The following FAM20B variants were observed in gnomAD, a reference collection of about 807,000 sequenced individuals.
FAM20B encodes the protein glycosaminoglycan xylosylkinase.
Under a neutral mutation model 43.8 loss-of-function variants are expected in FAM20B, and 23 were observed. The observed-to-expected ratio is 0.53, with a 90% CI of 0.38 to 0.74. The LOEUF is 0.74. Ranked by LOEUF, FAM20B falls within the 30% of genes least tolerant of loss-of-function variation. The probability of loss-of-function intolerance (pLI) is 0.00; values close to 1 mark genes in which losing one functional copy is unlikely to be tolerated. For synonymous variants in FAM20B, 178 were observed against 192.4 expected (o/e 0.93, Z 0.62); for missense variants, 440 against 510.5 (o/e 0.86, Z 1.33).
intron 2 of FAM20B, among the ~76,000 whole-genome samples, chr1:179,048,839 T>C (rs1650884194): frequency 6.6e-6 from 1 of 152,208 alleles, no homozygotes. Flanking sequence ...CTTGAAGATA[T>C]ATTTTGTGGA....
rs547439601 is a variant in FAM20B, at chr1:179,032,313, CTTTTTTTTT to C, written c.-134+6233_-134+6241del. Among the ~76,000 whole-genome samples the C allele has an allele frequency of 3.6e-4, 40 of 111,948 alleles. 1 individual carries two copies. Among genetic ancestry groups the C allele is most frequent in the African/African-American group, 3.4e-4 (11 of 32,070 alleles). 73.4% of individuals were successfully genotyped at this position (111,948 alleles called of 152,430 possible). A position where few individuals can be genotyped will look rare whatever the true frequency, so the allele number is the denominator to read the frequency against. On this transcript the variant is annotated intron_variant, in intron 1 of 7. Coordinates refer to ENST00000263733, the MANE Select transcript of FAM20B (RefSeq NM_014864.4). ...GCACAACACATGTAGAGGTCTCATT[CTTTTTTTTT>C]TTTTTTTTTTTTTTTTTGAGACAGG... is the stretch of plus-strand genomic sequence containing the variant.
intron 3 of FAM20B, among the ~76,000 whole-genome samples, chr1:179,051,488 G>T (rs1459313844): frequency 6.6e-6 from 1 of 152,032 alleles, no homozygotes; most frequent in Non-Finnish European, 1.5e-5. Flanking sequence ...TTAGCTGAGT[G>T]TGGTGGCGTG....
intron 3 of FAM20B, 66 bp downstream of exon 3, chr1:179,050,431 T>C: frequency 8.8e-7 from 1 of 1,134,218 alleles, no homozygotes. Flanking sequence ...TGGAGAGGAC[T>C]CGTGGACTCC....
chr1:179,067,037 G>C (rs1051869213), intron 7 of FAM20B, among the ~76,000 whole-genome samples, 178 bp downstream of exon 7: 1 of 151,966 alleles, frequency 6.6e-6, no homozygotes, highest in Admixed American at 6.6e-5. Flanking sequence ...GGTGAAGGCA[G>C]ATAACCCAAA....
intron 1 of FAM20B, chr1:179,035,620 G>C: frequency 2.1e-6 from 1 of 475,046 alleles, no homozygotes; most frequent in South Asian, 2.3e-5. Context: ...GGCCCTTTTT[G>C]ACATGACTTT....
intron 1 of FAM20B, among the ~76,000 whole-genome samples, chr1:179,026,411 C>T (rs1649779112): frequency 6.6e-6 from 1 of 152,064 alleles, no homozygotes; most frequent in Non-Finnish European, 1.5e-5. Context: ...GAGGCGCGGG[C>T]CCACCTGGGG....
the FAM20B span, among the ~76,000 whole-genome samples, chr1:179,020,546 T>A: frequency 1.3e-5 from 2 of 152,222 alleles, no homozygotes; most frequent in African/African-American, 4.8e-5. Flanking sequence ...GTATATTAGA[T>A]TGAACTATAT....
At chr1:179,046,675 A>G (rs1273109519) in intron 2 of FAM20B, among the ~76,000 whole-genome samples, 2 of 150,690 alleles carry the variant, frequency 1.3e-5, no homozygotes, top group Non-Finnish European at 3.0e-5. Flanking sequence ...TAAAATAAAT[A>G]AAGAGATGAG....
At chr1:179,040,880 C>G (rs1017948490) in intron 1 of FAM20B, among the ~76,000 whole-genome samples, 8 of 150,530 alleles carry the variant, frequency 5.3e-5, no homozygotes, top group African/African-American at 2.0e-4. Context: ...CAGGCAGAGG[C>G]TCTCCTCACT....
chr1:179,043,051 G>A (rs528013825), intron 1 of FAM20B, among the ~76,000 whole-genome samples: 41 of 152,214 alleles, frequency 2.7e-4, no homozygotes, highest in African/African-American at 3.6e-4. Context: ...ATCCCTTTCC[G>A]CCCAGGAGCC....
chr1:179,023,651 C>T (rs929071081), upstream of FAM20B, among the ~76,000 whole-genome samples: 2 of 152,228 alleles, frequency 1.3e-5, no homozygotes, highest in Non-Finnish European at 2.9e-5. Flanking sequence ...ATTCTCCTGT[C>T]ACGCAGGATC....
intron 7 of FAM20B, among the ~76,000 whole-genome samples, 199 bp downstream of exon 7, chr1:179,067,058 C>T (rs1250457066): frequency 1.3e-5 from 2 of 151,830 alleles, no homozygotes; most frequent in Non-Finnish European, 2.9e-5. Context: ...GCTCAGAATT[C>T]ATCTCAAATT....
the FAM20B span, among the ~76,000 whole-genome samples, chr1:179,018,305 T>G: frequency 4.6e-5 from 7 of 152,296 alleles, no homozygotes; most frequent in South Asian, 2.1e-4. Context: ...CAGCATGGAA[T>G]ACCAAAGATC....
At chr1:179,065,757 G>C (rs1289703482) in intron 6 of FAM20B, among the ~76,000 whole-genome samples, 2 of 152,166 alleles carry the variant, frequency 1.3e-5, no homozygotes, top group Non-Finnish European at 2.9e-5. Flanking sequence ...TATCAAAATA[G>C]TTGCTTTGTC....
chr1:179,047,839 G>A (rs982015633), intron 2 of FAM20B, among the ~76,000 whole-genome samples: 6 of 152,208 alleles, frequency 3.9e-5, no homozygotes, highest in African/African-American at 1.4e-4. Flanking sequence ...AGAAGGATAG[G>A]AATGATTTAT....
chr1:179,037,786 C>T (rs1650311679), intron 1 of FAM20B, among the ~76,000 whole-genome samples: 3 of 152,236 alleles, frequency 2.0e-5, no homozygotes, highest in South Asian at 2.1e-4. Context: ...TGTCCCCAGC[C>T]AGTTCCCTTA....
intron 7 of FAM20B, among the ~76,000 whole-genome samples, chr1:179,070,929 A>C (rs1255229011): frequency 6.6e-6 from 1 of 152,144 alleles, no homozygotes; most frequent in Non-Finnish European, 1.5e-5. Flanking sequence ...TGGCAATTTC[A>C]ACATGTATTT....
upstream of FAM20B, among the ~76,000 whole-genome samples, chr1:179,022,367 G>A (rs1572520153): frequency 2.6e-5 from 4 of 152,238 alleles, no homozygotes; most frequent in Middle Eastern, 6.8e-3. Context: ...GGCTCCTCTC[G>A]ACTTGCTTGA....
At chr1:179,057,966 G>T (rs1321530471) in intron 4 of FAM20B, among the ~76,000 whole-genome samples, 1 of 152,122 alleles carries the variant, frequency 6.6e-6, no homozygotes, top group East Asian at 1.9e-4. Context: ...TTTTAGGTTT[G>T]TATTTAACAT....
Sources: allele counts gnomAD v4.1 joint callset (sites outside exome capture counted in the v4.1 genomes callset), GRCh38; gene constraint gnomAD v4.1.1; transcripts MANE v1.5; gene names NCBI Gene and HGNC (gene_info 2026-07-23, HGNC 2026-07-21).